The following MAPRE2 variants were observed in gnomAD, a reference collection of about 807,000 sequenced individuals.
MAPRE2 encodes microtubule-associated protein RP/EB family member 2.
A neutral mutation model predicts 43.2 loss-of-function variants in MAPRE2; 13 were observed. The ratio of observed to expected loss-of-function variants is 0.30; its 90% CI spans 0.20 to 0.48. MAPRE2 has a LOEUF of 0.48. MAPRE2 is among the 20% of genes least tolerant of loss of function. The pLI is 0.99. For synonymous variants in MAPRE2, 135 were observed against 148.8 expected, an observed-to-expected ratio of 0.91 and a Z score of 0.68; for missense variants, 161 against 400.2, an observed-to-expected ratio of 0.40 and a Z score of 5.10.
Position 35,140,837 on chromosome 18 carries a change from G to A in MAPRE2, c.*468G>A, listed in dbSNP as rs1261885446. 6.5e-6 allele frequency: 1 copy of A among 154,472 alleles called. No individual in the cohort carries two copies. Among genetic ancestry groups the A allele is most frequent in the Non-Finnish European group, 1.4e-5 (1 of 69,424 alleles). 9.6% of individuals were successfully genotyped at this position (154,472 alleles called of 1,614,324 possible). A position where few individuals can be genotyped will look rare whatever the true frequency, so the allele number is the denominator to read the frequency against. On this transcript the variant is annotated 3_prime_UTR_variant, in exon 7 of 7. Transcript: ENST00000300249. The stretch of plus-strand genomic sequence containing the variant: ...AAGTCTAACCTCTGAACATAAATTT[G>A]GTCAAATAATTGGAACAAAGGGAAA...
chr18:34,981,059 C>T (rs1315779999), intron 1 of MAPRE2, among the ~76,000 whole-genome samples: 1 of 151,828 alleles, frequency 6.6e-6, no homozygotes, highest in Non-Finnish European at 1.5e-5. Context: ...ACTGGGGAGG[C>T]ACTTCTGAAA....
chr18:35,029,802 A>G (rs2097046936), intron 2 of MAPRE2, among the ~76,000 whole-genome samples: 3 of 152,358 alleles, frequency 2.0e-5, no homozygotes, highest in Admixed American at 2.0e-4. Flanking sequence ...GAAATAAAAT[A>G]GAGAAAGGAA....
chr18:35,048,107 G>A (rs972504357), intron 1 of MAPRE2, among the ~76,000 whole-genome samples: 3 of 152,150 alleles, frequency 2.0e-5, no homozygotes, highest in Non-Finnish European at 4.4e-5. Flanking sequence ...CAGCTTCTGG[G>A]GAGGCCTCAG....
intron 1 of MAPRE2, among the ~76,000 whole-genome samples, chr18:34,987,786 C>A (rs1368199535): frequency 6.6e-6 from 1 of 152,032 alleles, no homozygotes; most frequent in Non-Finnish European, 1.5e-5. Flanking sequence ...GGGACTATAG[C>A]TGCATGCTGC....
chr18:35,035,062 C>T (rs1479307276), intron 2 of MAPRE2, among the ~76,000 whole-genome samples: 12 of 151,926 alleles, frequency 7.9e-5, no homozygotes, highest in East Asian at 5.8e-4. Flanking sequence ...CACATGCACA[C>T]GTATGTTTAT....
intron 2 of MAPRE2, among the ~76,000 whole-genome samples, chr18:35,010,225 C>CA (rs1358163148): frequency 2.6e-5 from 4 of 151,602 alleles, no homozygotes; most frequent in Admixed American, 6.6e-5. Context: ...CATCTCTCTA[C>CA]AAAAAAAATA....
At chr18:35,085,079 G>A (rs1036392081) in intron 2 of MAPRE2, among the ~76,000 whole-genome samples, 8 of 152,154 alleles carry the variant, frequency 5.3e-5, no homozygotes, top group Non-Finnish European at 8.8e-5. Flanking sequence ...TGATACAGTT[G>A]AACTTTGGGA....
rs1013062495 is a variant in MAPRE2 at position 34,978,311 on chromosome 18, A to G, written c.-70+1232A>G. On this transcript the variant is annotated intron_variant, in intron 1 of 7. Transcript: ENST00000413393. ...TGCTGTCAATGTAGAATGAAGGGTT[A>G]AGCGCTCAAACCCGCGCCCGCGCGC... 1.1e-5 allele frequency: 7 copies of G among 636,520 alleles called. No individual in the cohort carries two copies. In the African/African-American group the frequency reaches 1.3e-4, roughly 12 times the overall value. The allele number at this position is 636,520 out of a possible 1,614,324, so 39.4% of individuals were successfully genotyped here.
At chr18:35,035,029 T>G (rs1040961734) in intron 2 of MAPRE2, among the ~76,000 whole-genome samples, 1 of 152,004 alleles carries the variant, frequency 6.6e-6, no homozygotes, top group African/African-American at 2.4e-5. Context: ...CCCAAAGGAC[T>G]ATAAATCATG....
chr18:34,978,611 CA>C lies in MAPRE2; in HGVS notation c.-70+1537del, dbSNP rs34611575. On this transcript the variant is annotated intron_variant, in intron 1 of 7. Coordinates refer to the MAPRE2 transcript ENST00000413393. ...TAAATTTGGCCAAATTTTTATCAAG[CA>C]AAAAGGGGTATGGCTCTTGGTTAGC... 35 of 1,334,186 alleles carry C rather than the reference CA, an allele frequency of 2.6e-5. No homozygotes were observed. In the Admixed American group the frequency reaches 4.2e-4, roughly 16 times the overall value. The allele number at this position is 1,334,186 out of a possible 1,614,324, so 82.6% of individuals were successfully genotyped here.
intron 1 of MAPRE2, among the ~76,000 whole-genome samples, chr18:35,004,413 A>C (rs987754427): frequency 2.0e-5 from 3 of 152,186 alleles, no homozygotes; most frequent in Non-Finnish European, 4.4e-5. Context: ...GCTCATATGT[A>C]TATGCAAGTC....
At chr18:35,082,716 C>T (rs1331128854) in intron 2 of MAPRE2, among the ~76,000 whole-genome samples, 1 of 152,028 alleles carries the variant, frequency 6.6e-6, no homozygotes, top group African/African-American at 2.4e-5. Flanking sequence ...CGGAGTTAAG[C>T]TCCTTGGGGA....
At chr18:35,023,511 C>T (rs941103485) in intron 2 of MAPRE2, among the ~76,000 whole-genome samples, 7 of 145,086 alleles carry the variant, frequency 4.8e-5, no homozygotes, top group African/African-American at 1.9e-4. Context: ...GACTCCTTCG[C>T]AAAAAATATA....
chr18:35,039,464 GA>G (rs1245876554), upstream of MAPRE2, among the ~76,000 whole-genome samples: 9 of 152,104 alleles, frequency 5.9e-5, no homozygotes, highest in East Asian at 1.7e-3. Context: ...GATTGTATAA[GA>G]AAAAAAATCT....
intron 1 of MAPRE2, among the ~76,000 whole-genome samples, chr18:34,989,655 G>T: frequency 6.6e-6 from 1 of 152,052 alleles, no homozygotes; most frequent in East Asian, 1.9e-4. Flanking sequence ...AGGCAGCAGG[G>T]AGCTATGATC....
intron 1 of MAPRE2, among the ~76,000 whole-genome samples, chr18:35,050,201 T>C (rs1355762977): frequency 6.6e-6 from 1 of 152,170 alleles, no homozygotes; most frequent in East Asian, 1.9e-4. Context: ...ATCAGTGATG[T>C]TTCAATTAGC....
chr18:34,981,476 T>C (rs2097016179), intron 1 of MAPRE2, among the ~76,000 whole-genome samples: 1 of 152,170 alleles, frequency 6.6e-6, no homozygotes, highest in South Asian at 2.1e-4. Context: ...TACAAGTAGC[T>C]AAAAGGGGTA....
At chr18:35,007,998 G>C (rs192206651) in intron 2 of MAPRE2, among the ~76,000 whole-genome samples, 1 of 152,124 alleles carries the variant, frequency 6.6e-6, no homozygotes, top group Non-Finnish European at 1.5e-5. Context: ...GGATTCTTGT[G>C]GGGGAAGGAA....
chr18:35,133,293 A>T (rs577969795), intron 6 of MAPRE2, among the ~76,000 whole-genome samples: 39 of 151,972 alleles, frequency 2.6e-4, no homozygotes, highest in Non-Finnish European at 5.3e-4. Context: ...TTTGATTTAA[A>T]TTATTTATTG....
Sources: allele counts gnomAD v4.1 joint callset (sites outside exome capture counted in the v4.1 genomes callset), GRCh38; gene constraint gnomAD v4.1.1; transcripts MANE v1.5; gene names NCBI Gene and HGNC (gene_info 2026-07-23, HGNC 2026-07-21).